DAB1: variants seen among roughly 807,000 people sequenced by gnomAD.
DAB1 encodes the protein disabled homolog 1.
In DAB1, 15 loss-of-function variants were observed where a neutral mutation model predicts 64.6. That is an observed-to-expected ratio of 0.23 (90% CI 0.16 to 0.36). The LOEUF (loss-of-function observed/expected upper bound fraction) is 0.36, where lower values mean the gene tolerates loss of function less well. Among genes scored for constraint, DAB1 ranks in the 10% least tolerant of loss-of-function variants. The pLI is 1.00. For missense variants in DAB1, 596 were observed against 706.7 expected, an observed-to-expected ratio of 0.84 and a Z score of 1.78; for synonymous variants, 235 against 251.9, an observed-to-expected ratio of 0.93 and a Z score of 0.64.
chr1:57,924,144 T>A (rs2406403), intron 5 of DAB1, among the ~76,000 whole-genome samples: 59,327 of 152,072 alleles, frequency 0.39, 12,625 homozygotes, highest in Admixed American at 0.49. Context: ...CATTAATTCA[T>A]GTATGTATTC....
At chr1:58,328,473 T>C (rs1041200162) in intron 4 of DAB1, among the ~76,000 whole-genome samples, 1 of 152,212 alleles carries the variant, frequency 6.6e-6, no homozygotes, top group African/African-American at 2.4e-5. Flanking sequence ...CTGCAGGCGA[T>C]GTCAGCTTCT....
rs1200235001 is a variant in DAB1 at position 58,457,258 on chromosome 1, G to A, written n.257+48802C>T. 2.6e-5 allele frequency among the ~76,000 whole-genome samples: 4 copies of A among 152,292 alleles called. No homozygotes were observed. The East Asian group carries it at 7.7e-4, about 29-fold the overall frequency. ...ATTCTTCCCAGCCAGGCTGCATTCTGTTTTAGTCTAGAATATTGATCCAAG... is the reference window on the plus strand; with the variant it reads ...ATTCTTCCCAGCCAGGCTGCATTCTATTTTAGTCTAGAATATTGATCCAAG... On this transcript the variant is annotated intron_variant and non_coding_transcript_variant, in intron 3 of 20. Coordinates refer to the DAB1 transcript ENST00000485760.
intron 3 of DAB1, among the ~76,000 whole-genome samples, chr1:58,490,339 TC>T (rs1180385920): frequency 6.6e-6 from 1 of 151,998 alleles, no homozygotes; most frequent in Non-Finnish European, 1.5e-5. Context: ...AGAAAAGGTA[TC>T]AGTGATGGAA....
chr1:58,129,098 T>C (rs1230596359), intron 5 of DAB1, among the ~76,000 whole-genome samples: 1 of 149,094 alleles, frequency 6.7e-6, no homozygotes, highest in Non-Finnish European at 1.5e-5. Context: ...GGACTCTTTT[T>C]GGTTGGTAAG....
At chr1:57,053,686 ATAT>A (rs1557635232) in intron 9 of DAB1, among the ~76,000 whole-genome samples, 1 of 82,622 alleles carries the variant, frequency 1.2e-5, no homozygotes, top group South Asian at 4.1e-4. Flanking sequence ...ATATATATAT[ATAT>A]TTTTTTTTTT....
intron 2 of DAB1, among the ~76,000 whole-genome samples, chr1:57,241,495 G>T (rs1444650469): frequency 6.6e-6 from 1 of 152,172 alleles, no homozygotes; most frequent in Admixed American, 6.5e-5. Context: ...ATAGGGCCTA[G>T]AATTGATCAC....
In DAB1 at chr1:58,440,234, C is replaced by T. The variant is rs186945407; in HGVS notation, n.257+65826G>A. Among the ~76,000 whole-genome samples, 201 of 152,328 alleles carry T rather than the reference C, an allele frequency of 1.3e-3. 1 individual carries two copies. The highest frequency in any genetic ancestry group is 6.2e-4 in the South Asian group (3 of 4,828). On this transcript the variant is annotated intron_variant and non_coding_transcript_variant, in intron 3 of 20. Coordinates refer to the DAB1 transcript ENST00000485760. The stretch of plus-strand genomic sequence containing the variant: ...ACCCTCTGCCTGCCTCTGCAGCTTA[C>T]GCACTGCTTGGATTTGTGTAGTCAT...
At chr1:57,654,828 G>C (rs1570709690) in intron 6 of DAB1, among the ~76,000 whole-genome samples, 1 of 152,118 alleles carries the variant, frequency 6.6e-6, no homozygotes, top group Non-Finnish European at 1.5e-5. Context: ...TTTACGGTAA[G>C]TGCTTCCTTT....
At chr1:57,991,679 C>T (rs1426103790) in intron 5 of DAB1, among the ~76,000 whole-genome samples, 5 of 151,832 alleles carry the variant, frequency 3.3e-5, no homozygotes, top group Non-Finnish European at 7.4e-5. Context: ...AACCCCATCT[C>T]CGCTAAAAAT....
intron 5 of DAB1, among the ~76,000 whole-genome samples, chr1:58,039,860 G>A (rs1647107842): frequency 6.6e-6 from 1 of 152,088 alleles, no homozygotes. Flanking sequence ...TAAATATGAA[G>A]TACTTACAAA....
chr1:58,504,917 C>G (rs748751740), intron 3 of DAB1, among the ~76,000 whole-genome samples: 1 of 151,934 alleles, frequency 6.6e-6, no homozygotes, highest in Non-Finnish European at 1.5e-5. Context: ...AGAGGTACTC[C>G]GTATTTGTTG....
At chr1:57,807,016 G>A (rs945931827) in intron 6 of DAB1, among the ~76,000 whole-genome samples, 13 of 152,150 alleles carry the variant, frequency 8.5e-5, no homozygotes, top group Admixed American at 1.3e-4. Context: ...GTAAATGAAT[G>A]AATGAACCTA....
At chr1:57,445,742 T>C (rs550194199) in intron 7 of DAB1, among the ~76,000 whole-genome samples, 36 of 152,360 alleles carry the variant, frequency 2.4e-4, no homozygotes, top group African/African-American at 8.2e-4. Context: ...TCAGGCATTA[T>C]CTCTTCATTT....
intron 6 of DAB1, among the ~76,000 whole-genome samples, chr1:57,748,561 T>G (rs1648395498): frequency 2.0e-5 from 3 of 152,184 alleles, no homozygotes. Context: ...CAAAACTTAT[T>G]CTCAGTATTG....
chr1:58,033,328 T>C (rs1378705895), intron 5 of DAB1, among the ~76,000 whole-genome samples: 1 of 152,060 alleles, frequency 6.6e-6, no homozygotes, highest in Admixed American at 6.6e-5. Context: ...TTGTAATCAG[T>C]TCAGTGTCCT....
chr1:57,508,390 G>T lies in DAB1; in HGVS notation n.625+141202C>A, dbSNP rs116358282. On this transcript the variant is annotated intron_variant and non_coding_transcript_variant, in intron 7 of 20. Transcript: ENST00000485760. ...AAAAGTATCTGTTGAATCAAAAAAT[G>T]AATCTGTCAACAGGGAATTCAAATG... 2.3e-3 allele frequency among the ~76,000 whole-genome samples: 345 copies of T among 152,294 alleles called. 2 individuals are homozygous for T. The highest frequency in any genetic ancestry group is 8.0e-3 in the African/African-American group (331 of 41,550).
chr1:57,088,234 C>A (rs1001197101), intron 4 of DAB1, among the ~76,000 whole-genome samples: 2 of 152,250 alleles, frequency 1.3e-5, no homozygotes, highest in Admixed American at 6.5e-5. Flanking sequence ...CCACACCTGG[C>A]TAATTTTTGT....
At chr1:57,225,553 A>G (rs1247444943) in intron 2 of DAB1, among the ~76,000 whole-genome samples, 1 of 152,164 alleles carries the variant, frequency 6.6e-6, no homozygotes, top group Non-Finnish European at 1.5e-5. Flanking sequence ...AGCTTTTTTG[A>G]GGATAGCAGC....
intron 4 of DAB1, among the ~76,000 whole-genome samples, chr1:57,091,664 T>C (rs1653692458): frequency 6.6e-6 from 1 of 152,210 alleles, no homozygotes; most frequent in Non-Finnish European, 1.5e-5. Flanking sequence ...CTGGGGGCCC[T>C]GCCACTTACC....
Sources: allele counts gnomAD v4.1 joint callset (sites outside exome capture counted in the v4.1 genomes callset), GRCh38; gene constraint gnomAD v4.1.1; transcripts MANE v1.5; gene names NCBI Gene and HGNC (gene_info 2026-07-23, HGNC 2026-07-21).